NDST4: variants seen among roughly 807,000 people sequenced by gnomAD.
NDST4 encodes the protein N-heparan sulfate sulfotransferase 4.
A neutral mutation model predicts 100.8 loss-of-function variants in NDST4; 63 were observed. The observed-to-expected ratio is 0.62, with a 90% CI of 0.51 to 0.77. The LOEUF (loss-of-function observed/expected upper bound fraction) is 0.77, where lower values mean the gene tolerates loss of function less well. Among genes scored for constraint, NDST4 ranks in the 30% least tolerant of loss-of-function variants. NDST4 has a pLI of 0.00. For synonymous variants in NDST4, 377 were observed against 361.8 expected (o/e 1.04, Z -0.48); for missense variants, 943 against 1,018.4 (o/e 0.93, Z 1.01).
intron 2 of NDST4, among the ~76,000 whole-genome samples, chr4:115,014,464 C>G (rs1471413902): frequency 2.0e-5 from 3 of 152,044 alleles, no homozygotes; most frequent in Non-Finnish European, 4.4e-5. Flanking sequence ...GATATATTTT[C>G]TAAGGTGAAG....
chr4:115,021,778 C>T (rs1382189208), intron 2 of NDST4, among the ~76,000 whole-genome samples: 1 of 150,094 alleles, frequency 6.7e-6, no homozygotes, highest in Non-Finnish European at 1.5e-5. Flanking sequence ...ATACACATTC[C>T]ATATATATAC....
chr4:114,849,726 A>C (rs538185015), intron 8 of NDST4, among the ~76,000 whole-genome samples: 9 of 152,366 alleles, frequency 5.9e-5, no homozygotes, highest in African/African-American at 2.2e-4. Context: ...GTAATTACTA[A>C]TTTAAAAAGA....
In NDST4 at chr4:114,996,289, G is replaced by A. The variant is rs1050146168; in HGVS notation, c.979-19015C>T. 3.3e-5 allele frequency among the ~76,000 whole-genome samples: 5 copies of A among 151,876 alleles called. No individual in the cohort carries two copies. In the South Asian group the frequency reaches 6.2e-4, roughly 19 times the overall value. ...CCTGCTTGCACTCATTCTCTTTCCC[G>A]CTGCCCCTGTGAAGAGGTGCCTTCC... is the stretch of plus-strand genomic sequence containing the variant. On this transcript the variant is annotated intron_variant, in intron 2 of 13. Transcript: ENST00000264363.
intron 4 of NDST4, among the ~76,000 whole-genome samples, chr4:114,945,453 T>C (rs980353382): frequency 6.6e-6 from 1 of 152,172 alleles, no homozygotes; most frequent in Non-Finnish European, 1.5e-5. Context: ...TGAGATAATA[T>C]ATCCCCAGTC....
intron 6 of NDST4, among the ~76,000 whole-genome samples, chr4:114,919,769 C>CT (rs1377308930): frequency 1.3e-5 from 2 of 152,106 alleles, no homozygotes; most frequent in Admixed American, 1.3e-4. Context: ...ATAATGGATT[C>CT]TATGTGGCCA....
chr4:115,072,589 A>T (rs1337042467), intron 2 of NDST4, among the ~76,000 whole-genome samples: 1 of 152,010 alleles, frequency 6.6e-6, no homozygotes, highest in Non-Finnish European at 1.5e-5. Context: ...CAATGGGGAA[A>T]GGGCAGTCTC....
chr4:114,951,301 T>C (rs1168499227), intron 4 of NDST4, among the ~76,000 whole-genome samples: 2 of 152,124 alleles, frequency 1.3e-5, no homozygotes, highest in Non-Finnish European at 2.9e-5. Context: ...GTTTTTTCAT[T>C]ATTAAATACT....
intron 2 of NDST4, among the ~76,000 whole-genome samples, chr4:115,022,391 T>TATATATATATGTGTTCC (rs1560570068): frequency 2.5e-5 from 3 of 120,358 alleles, no homozygotes; most frequent in South Asian, 2.4e-4. Flanking sequence ...ATGTGTTCCA[T>TATATATATATGTGTTCC]ATATATGTGT....
intron 10 of NDST4, among the ~76,000 whole-genome samples, chr4:114,840,887 A>C (rs772208447): frequency 3.9e-5 from 6 of 152,182 alleles, no homozygotes; most frequent in Non-Finnish European, 8.8e-5. Flanking sequence ...TTAAAGAATA[A>C]TTAGTAAGTG....
chr4:114,838,934 CCTT>C (rs1431688285), intron 11 of NDST4, among the ~76,000 whole-genome samples: 3 of 151,924 alleles, frequency 2.0e-5, no homozygotes, highest in Admixed American at 6.6e-5. Context: ...TAGTGCATGA[CCTT>C]CTTTCCTTAT....
chr4:115,112,822 T>C (rs1483288644), intron 1 of NDST4, among the ~76,000 whole-genome samples: 3 of 151,938 alleles, frequency 2.0e-5, no homozygotes, highest in Non-Finnish European at 4.4e-5. Context: ...TTAGGGCATA[T>C]GACATATATT....
At chr4:115,092,651 C>G (rs1410512798) in intron 1 of NDST4, among the ~76,000 whole-genome samples, 1 of 152,100 alleles carries the variant, frequency 6.6e-6, no homozygotes, top group East Asian at 1.9e-4. Context: ...TATCAGTTAA[C>G]TTTGCATATT....
intron 2 of NDST4, among the ~76,000 whole-genome samples, chr4:115,050,879 C>G (rs1728567050): frequency 6.6e-6 from 1 of 152,078 alleles, no homozygotes; most frequent in East Asian, 1.9e-4. Flanking sequence ...ATACAATCTT[C>G]TTCAAACATA....
intron 2 of NDST4, among the ~76,000 whole-genome samples, chr4:115,071,761 G>A (rs1469648178): frequency 6.6e-6 from 1 of 151,450 alleles, no homozygotes; most frequent in Non-Finnish European, 1.5e-5. Context: ...TGAGAATGAA[G>A]AATATGAGAC....
intron 3 of NDST4, among the ~76,000 whole-genome samples, chr4:114,971,360 G>A (rs1400261646): frequency 6.6e-6 from 1 of 151,026 alleles, no homozygotes; most frequent in East Asian, 1.9e-4. Context: ...CCAATACATA[G>A]GAAATAAAAA....
intron 2 of NDST4, among the ~76,000 whole-genome samples, chr4:115,070,025 C>G (rs28668946): frequency 0.24 from 36,868 of 152,042 alleles, 6,008 homozygotes; most frequent in East Asian, 0.46. Flanking sequence ...ATCCCTCAAA[C>G]ACCTAAAAAC....
chr4:115,031,756 GATTTTTTTCTTCCCTTTT>G (rs1245017521), intron 2 of NDST4, among the ~76,000 whole-genome samples: 1 of 151,998 alleles, frequency 6.6e-6, no homozygotes, highest in African/African-American at 2.4e-5. Context: ...AGCTTCCTTA[GATTTTTTTCTTCCCTTTT>G]ATAAACTAGA....
chr4:114,967,922 C>T (rs1233481679), intron 4 of NDST4, among the ~76,000 whole-genome samples: 1 of 152,068 alleles, frequency 6.6e-6, no homozygotes, highest in Non-Finnish European at 1.5e-5. Context: ...TTATGTATAT[C>T]CTCCCAGCAA....
intron 6 of NDST4, among the ~76,000 whole-genome samples, chr4:114,888,444 T>G (rs763120273): frequency 7.9e-5 from 12 of 152,144 alleles, no homozygotes; most frequent in Non-Finnish European, 1.8e-4. Context: ...AAAGGACAAG[T>G]GAAGTTTAAA....
Sources: gnomAD v4.1 joint callset for allele counts (sites outside exome capture counted in the v4.1 genomes callset) on GRCh38, gnomAD v4.1.1 for gene constraint, MANE v1.5 for transcripts, NCBI Gene and HGNC (gene_info 2026-07-23, HGNC 2026-07-21) for gene names.